The following STK38 variants were observed in gnomAD, a reference collection of about 807,000 sequenced individuals.
STK38 encodes the protein serine/threonine-protein kinase 38.
Under a neutral mutation model 59.0 loss-of-function variants are expected in STK38, and 26 were observed. The ratio of observed to expected loss-of-function variants is 0.44; its 90% CI spans 0.32 to 0.61. The LOEUF is 0.61. Ranked by LOEUF, STK38 falls within the 20% of genes least tolerant of loss-of-function variation. The pLI is 0.04. For synonymous variants in STK38, 175 were observed against 176.6 expected (o/e 0.99, Z 0.07); for missense variants, 433 against 566.0 (o/e 0.76, Z 2.38).
rs1408092477 is a variant in STK38 at position 36,521,396 on chromosome 6, A to G, written c.390+338T>C. Among the ~76,000 whole-genome samples the G allele has an allele frequency of 3.3e-5, 5 of 152,224 alleles. No homozygotes were observed. The East Asian group carries it at 9.7e-4, about 29-fold the overall frequency. On this transcript the variant is annotated intron_variant, in intron 5 of 13. Transcript: ENST00000229812. ...ATATATACAATTTCTATTTCTCAGC[A>G]TTTGGTAAGAAACACACTACCACAC...
intron 2 of STK38, among the ~76,000 whole-genome samples, chr6:36,535,918 C>T (rs1332782346): frequency 1.3e-5 from 2 of 150,924 alleles, no homozygotes; most frequent in Admixed American, 6.6e-5. Context: ...TGGGCTTTTC[C>T]GTAGAAATTA....
chr6:36,526,474 A>G (rs1262221149), intron 2 of STK38, among the ~76,000 whole-genome samples: 3 of 152,192 alleles, frequency 2.0e-5, no homozygotes, highest in African/African-American at 7.2e-5. Context: ...AACTCCATAT[A>G]TCAGGCTGGG....
chr6:36,530,133 C>A (rs1409981294), intron 2 of STK38, among the ~76,000 whole-genome samples: 2 of 151,854 alleles, frequency 1.3e-5, no homozygotes, highest in African/African-American at 4.8e-5. Context: ...CCCAGCTACT[C>A]AGGAGGCTGA....
At chr6:36,526,451 G>A (rs67018593) in intron 2 of STK38, among the ~76,000 whole-genome samples, 35,976 of 152,082 alleles carry the variant, frequency 0.24, 4,476 homozygotes, top group East Asian at 0.37. Flanking sequence ...AAGGTGACTG[G>A]CACCACTATC....
rs956623414 is a variant in STK38 at position 36,495,565 on chromosome 6, T to C, written c.*219A>G. 2.4e-5 allele frequency: 12 copies of C among 490,126 alleles called. No homozygotes were observed. Among genetic ancestry groups the C allele is most frequent in the African/African-American group, 5.8e-5 (3 of 51,464 alleles). 30.4% of individuals were successfully genotyped at this position (490,126 alleles called of 1,614,324 possible). ...ATGATGCTTCTCTTCCAAAGCAGGA[T>C]AGCTGTTTATGGCCGACGTAGTAGA... On this transcript the variant is annotated 3_prime_UTR_variant, in exon 14 of 14. Coordinates refer to ENST00000229812, the MANE Select transcript of STK38 (RefSeq NM_007271.4).
At chr6:36,495,973 C>A in intron 13 of STK38, 59 bp from the exon 14 acceptor site, 1 of 1,598,116 alleles carries the variant, frequency 6.3e-7, no homozygotes, top group Non-Finnish European at 8.6e-7. Context: ...GGACTGCTCA[C>A]GGTGCTGAAG....
intron 7 of STK38, among the ~76,000 whole-genome samples, chr6:36,514,117 T>C (rs1298590965): frequency 1.4e-4 from 19 of 140,724 alleles, no homozygotes; most frequent in Non-Finnish European, 2.2e-4. Flanking sequence ...ACTGCCCTAG[T>C]GCACTCCAGC....
At position 36,498,285 on chromosome 6, in the gene STK38, A is replaced by G. The variant is rs1240412307; in HGVS notation, c.1076+78T>C. The G allele has an allele frequency of 1.4e-5, 21 of 1,542,748 alleles. No homozygotes were observed. In the Admixed American group the frequency reaches 2.3e-4, roughly 17 times the overall value. On this transcript the variant is annotated intron_variant, in intron 11 of 13. Transcript: ENST00000229812. ...AGGAAACAGAAAGCAGATTCAGGAGATAACAAAAGTTTTTAAAAAAATGGA... is the reference window on the plus strand; with the variant it reads ...AGGAAACAGAAAGCAGATTCAGGAGGTAACAAAAGTTTTTAAAAAAATGGA...
At chr6:36,534,721 G>A (rs1777745653) in intron 2 of STK38, among the ~76,000 whole-genome samples, 1 of 151,730 alleles carries the variant, frequency 6.6e-6, no homozygotes. Context: ...CCTATAAAGG[G>A]CATCTTTAGT....
intron 9 of STK38, among the ~76,000 whole-genome samples, chr6:36,502,279 A>G (rs1293940522): frequency 6.6e-6 from 1 of 152,110 alleles, no homozygotes; most frequent in Admixed American, 6.5e-5. Flanking sequence ...AGTAGCTGGG[A>G]CTGTAGGGAT....
chr6:36,526,712 T>C (rs926278475), intron 2 of STK38, among the ~76,000 whole-genome samples: 6 of 150,960 alleles, frequency 4.0e-5, no homozygotes, highest in African/African-American at 1.5e-4. Flanking sequence ...CTGGCCAACA[T>C]GGTGAAACCT....
chr6:36,539,397 A>C (rs898992104), intron 2 of STK38, among the ~76,000 whole-genome samples: 10 of 152,164 alleles, frequency 6.6e-5, no homozygotes, highest in Non-Finnish European at 1.3e-4. Flanking sequence ...AAAAAAAAAA[A>C]AAACCAATAA....
intron 2 of STK38, among the ~76,000 whole-genome samples, chr6:36,534,524 A>G (rs1777740338): frequency 6.6e-6 from 1 of 152,016 alleles, no homozygotes; most frequent in Non-Finnish European, 1.5e-5. Context: ...GTGGTGGCAC[A>G]TACCTATATT....
Position 36,523,399 on chromosome 6 carries a change from A to T in STK38, c.306+942T>A, listed in dbSNP as rs978412915. On this transcript the variant is annotated intron_variant, in intron 4 of 13. Coordinates refer to ENST00000229812, the MANE Select transcript of STK38 (RefSeq NM_007271.4). The stretch of plus-strand genomic sequence containing the variant: ...TGCCTCAGCCTCCTGAGTAGCTGGG[A>T]TTACAGGCACGTGCCACCACACCCG... Among the ~76,000 whole-genome samples, 5 of 151,214 alleles carry T rather than the reference A, an allele frequency of 3.3e-5. No homozygotes were observed. In the East Asian group the frequency reaches 9.8e-4, roughly 30 times the overall value.
intron 1 of STK38, 65 bp from the exon 2 acceptor site, chr6:36,540,272 T>G: frequency 7.2e-6 from 11 of 1,521,020 alleles, no homozygotes; most frequent in Non-Finnish European, 9.9e-6. Context: ...TGCACTCTCC[T>G]ACCCTATTGG....
chr6:36,523,375 G>A (rs1181828210), intron 4 of STK38, among the ~76,000 whole-genome samples: 3 of 150,316 alleles, frequency 2.0e-5, no homozygotes, highest in Non-Finnish European at 4.4e-5. Context: ...CAATTCTCCT[G>A]CCTCAGCCTC....
At chr6:36,502,734 T>C (rs1386924811) in intron 9 of STK38, among the ~76,000 whole-genome samples, 1 of 152,254 alleles carries the variant, frequency 6.6e-6, no homozygotes, top group African/African-American at 2.4e-5. Flanking sequence ...CCTCCTCGTC[T>C]CTCCTGCTTC....
At chr6:36,504,736 T>C (rs1470774636) in intron 9 of STK38, among the ~76,000 whole-genome samples, 2 of 151,830 alleles carry the variant, frequency 1.3e-5, no homozygotes, top group African/African-American at 4.8e-5. Context: ...ATTGCTTTCC[T>C]TATAGAACTA....
rs1398899916 is a variant in STK38, at chr6:36,533,959, AC to A, written c.131+6112del. Among the ~76,000 whole-genome samples the A allele has an allele frequency of 2.0e-5, 3 of 152,312 alleles. No individual in the cohort carries two copies. The East Asian group carries it at 5.8e-4, about 29-fold the overall frequency. ...GCCACCACCAAGCATAAAAAATTTG[AC>A]TATTCCACATACAGAACTGCATATT... On this transcript the variant is annotated intron_variant, in intron 2 of 13. Transcript: ENST00000229812.
Sources: allele counts gnomAD v4.1 joint callset (sites outside exome capture counted in the v4.1 genomes callset), GRCh38; gene constraint gnomAD v4.1.1; transcripts MANE v1.5; gene names NCBI Gene and HGNC (gene_info 2026-07-23, HGNC 2026-07-21).